Variants in PLCB4 observed in about 807,000 individuals in gnomAD.
PLCB4 encodes the protein phospholipase C beta 4, also known as 1-phosphatidylinositol 4,5-bisphosphate phosphodiesterase beta-4.
A neutral mutation model predicts 178.8 loss-of-function variants in PLCB4; 77 were observed. The observed-to-expected ratio is 0.43, with a 90% CI of 0.36 to 0.52. PLCB4 has a LOEUF of 0.52. Among genes scored for constraint, PLCB4 ranks in the 20% least tolerant of loss-of-function variants. The pLI is 0.00. For synonymous variants in PLCB4, 496 were observed against 490.8 expected (o/e 1.01, Z -0.14); for missense variants, 1,024 against 1,453.4 (o/e 0.70, Z 4.80).
At chr20:9,440,130 T>C (rs2042021653) in intron 30 of PLCB4, among the ~76,000 whole-genome samples, 1 of 152,142 alleles carries the variant, frequency 6.6e-6, no homozygotes, top group Non-Finnish European at 1.5e-5. Context: ...AAAATGGAGG[T>C]GAAAGTACAG....
intron 32 of PLCB4, among the ~76,000 whole-genome samples, chr20:9,450,658 C>CTTTTTTTTTTTTTT (rs60982044): frequency 1.3e-4 from 13 of 100,274 alleles, no homozygotes; most frequent in East Asian, 2.9e-4. Flanking sequence ...CTTTTCTTTT[C>CTTTTTTTTTTTTTT]TTTTTTTTTT....
At chr20:9,083,576 T>G (rs1448495669) in intron 1 of PLCB4, among the ~76,000 whole-genome samples, 1 of 152,192 alleles carries the variant, frequency 6.6e-6, no homozygotes, top group Non-Finnish European at 1.5e-5. Context: ...CCCTGGGCCT[T>G]CAGAATACAA....
At chr20:9,095,316 G>C (rs2090860528) in intron 1 of PLCB4, among the ~76,000 whole-genome samples, 1 of 152,114 alleles carries the variant, frequency 6.6e-6, no homozygotes, top group African/African-American at 2.4e-5. Flanking sequence ...ATGCATTGGC[G>C]GTCATTTCAA....
chr20:9,105,904 C>G (rs562018195), intron 2 of PLCB4, among the ~76,000 whole-genome samples: 1 of 152,058 alleles, frequency 6.6e-6, no homozygotes, highest in Admixed American at 6.6e-5. Context: ...GTGGGGAAGT[C>G]ATCTCTAACT....
chr20:9,165,207 G>T lies in PLCB4; in HGVS notation c.-78-52183G>T, dbSNP rs915319553. ...CCAGCTTCTCGAGGGCACAAAACATGCTGTTTCTTATATGTTCTAGTGTAA... is the reference window on the plus strand; with the variant it reads ...CCAGCTTCTCGAGGGCACAAAACATTCTGTTTCTTATATGTTCTAGTGTAA... On this transcript the variant is annotated intron_variant, in intron 2 of 39. Transcript: ENST00000378473. Among the ~76,000 whole-genome samples the T allele has an allele frequency of 5.3e-5, 8 of 152,138 alleles. 1 individual carries two copies. Among genetic ancestry groups the T allele is most frequent in the Admixed American group, 2.0e-4 (3 of 15,262 alleles).
chr20:9,212,864 A>G, intron 2 of PLCB4, among the ~76,000 whole-genome samples: 1 of 152,156 alleles, frequency 6.6e-6, no homozygotes, highest in East Asian at 1.9e-4. Context: ...ATGAAGTATA[A>G]TTTACATATC....
At chr20:9,388,582 G>A (rs1023492300) in intron 15 of PLCB4, among the ~76,000 whole-genome samples, 2 of 152,138 alleles carry the variant, frequency 1.3e-5, no homozygotes, top group Middle Eastern at 3.2e-3. Context: ...AGCTGGTGTG[G>A]TGGCATGCAC....
At chr20:9,373,692 T>C (rs907926872) in intron 12 of PLCB4, among the ~76,000 whole-genome samples, 1 of 152,208 alleles carries the variant, frequency 6.6e-6, no homozygotes, top group Non-Finnish European at 1.5e-5. Flanking sequence ...TTTCTTTTTA[T>C]AACAAGCTCA....
intron 2 of PLCB4, among the ~76,000 whole-genome samples, chr20:9,127,578 A>G (rs1235484292): frequency 1.3e-5 from 2 of 152,100 alleles, no homozygotes; most frequent in Non-Finnish European, 2.9e-5. Flanking sequence ...GTTGTTAGAC[A>G]CTTCAGGTGC....
At chr20:9,169,037 C>G (rs112551561) in intron 2 of PLCB4, among the ~76,000 whole-genome samples, 35 of 152,254 alleles carry the variant, frequency 2.3e-4, no homozygotes, top group African/African-American at 8.2e-4. Context: ...TGTCTGCCCT[C>G]ATGTCCTGCC....
intron 3 of PLCB4, among the ~76,000 whole-genome samples, chr20:9,297,166 C>A (rs926931546): frequency 6.6e-6 from 1 of 151,704 alleles, no homozygotes; most frequent in Non-Finnish European, 1.5e-5. Flanking sequence ...CACCCCCCCC[C>A]ACACCATATA....
intron 2 of PLCB4, among the ~76,000 whole-genome samples, chr20:9,183,846 A>G (rs1194316405): frequency 6.6e-6 from 1 of 152,154 alleles, no homozygotes; most frequent in Non-Finnish European, 1.5e-5. Context: ...AAAATGATTA[A>G]ATATTAGTTA....
In PLCB4 at chr20:9,260,919, A is replaced by G. The variant is rs115026553; in HGVS notation, c.-16+43467A>G. 4.8e-3 allele frequency among the ~76,000 whole-genome samples: 730 copies of G among 152,306 alleles called. 7 individuals carry two copies. The highest frequency in any genetic ancestry group is 0.017 in the African/African-American group (692 of 41,584). ...TTAGAAGGTAAGAAGCAATATGTTT[A>G]CAAATGAAAAAGAGGCTAAGTTGCA... On this transcript the variant is annotated intron_variant, in intron 3 of 39. Coordinates refer to ENST00000378473, the MANE Select transcript of PLCB4 (RefSeq NM_001377142.1).
intron 4 of PLCB4, among the ~76,000 whole-genome samples, chr20:9,330,995 G>A (rs2031562352): frequency 6.6e-6 from 1 of 152,164 alleles, no homozygotes; most frequent in African/African-American, 2.4e-5. Flanking sequence ...TTCTTTGAAA[G>A]CCCTGTGAGT....
intron 2 of PLCB4, among the ~76,000 whole-genome samples, chr20:9,134,906 G>A (rs2092351149): frequency 6.6e-6 from 1 of 152,088 alleles, no homozygotes; most frequent in South Asian, 2.1e-4. Flanking sequence ...TGTATGTCAA[G>A]CACCAATTTT....
intron 16 of PLCB4, among the ~76,000 whole-genome samples, chr20:9,390,187 T>A (rs1473957138): frequency 6.6e-6 from 1 of 152,234 alleles, no homozygotes; most frequent in African/African-American, 2.4e-5. Flanking sequence ...ATCATTTTAA[T>A]GTGTTTCAGA....
intron 38 of PLCB4, among the ~76,000 whole-genome samples, 164 bp from the exon 39 acceptor site, chr20:9,476,553 G>A (rs530929636): frequency 6.6e-6 from 1 of 152,278 alleles, no homozygotes; most frequent in Admixed American, 6.5e-5. Flanking sequence ...AGATCAACTA[G>A]GGGAAAGTTT....
At chr20:9,076,869 C>T (rs6056384) in intron 1 of PLCB4, among the ~76,000 whole-genome samples, 94,843 of 151,958 alleles carry the variant, frequency 0.62, 29,701 homozygotes, top group South Asian at 0.72. Flanking sequence ...GTAAGTAATA[C>T]ATTAATATGT....
chr20:9,201,292 G>C (rs758389330), intron 2 of PLCB4, among the ~76,000 whole-genome samples: 4 of 152,076 alleles, frequency 2.6e-5, no homozygotes, highest in Non-Finnish European at 5.9e-5. Context: ...AAATGTACCT[G>C]TGTGTATAGT....
Sources: allele counts gnomAD v4.1 joint callset (sites outside exome capture counted in the v4.1 genomes callset), GRCh38; gene constraint gnomAD v4.1.1; transcripts MANE v1.5; gene names NCBI Gene and HGNC (gene_info 2026-07-23, HGNC 2026-07-21).